Variants in EPHA3 observed in about 807,000 individuals in gnomAD.
EPHA3 encodes the protein EPH receptor A3.
A neutral mutation model predicts 107.1 loss-of-function variants in EPHA3; 42 were observed. The observed-to-expected ratio is 0.39, with a 90% confidence interval of 0.31 to 0.51. The LOEUF (loss-of-function observed/expected upper bound fraction) is 0.51. Among genes scored for constraint, EPHA3 ranks in the 20% least tolerant of loss-of-function variants. EPHA3 has a pLI of 0.78. For missense variants in EPHA3, 1,183 were observed against 1,211.2 expected, an observed-to-expected ratio of 0.98 and a Z score of 0.35; for synonymous variants, 461 against 424.8, an observed-to-expected ratio of 1.09 and a Z score of -1.05.
intron 1 of EPHA3, among the ~76,000 whole-genome samples, chr3:89,113,878 C>G (rs1171002676): frequency 2.0e-5 from 3 of 152,070 alleles, no homozygotes; most frequent in African/African-American, 7.2e-5. Flanking sequence ...AATGTCTGGA[C>G]GAATGCATGT....
intron 3 of EPHA3, among the ~76,000 whole-genome samples, chr3:89,227,452 T>C (rs1390575964): frequency 6.6e-6 from 1 of 152,158 alleles, no homozygotes; most frequent in East Asian, 1.9e-4. Context: ...TCCTGTGTAT[T>C]TCTTGAGTAA....
intron 5 of EPHA3, among the ~76,000 whole-genome samples, chr3:89,370,554 G>T (rs1451921672): frequency 6.6e-6 from 1 of 151,774 alleles, no homozygotes. Flanking sequence ...TATACTTAAT[G>T]CTAAATGACG....
At chr3:89,336,556 C>A (rs1428268127) in intron 3 of EPHA3, among the ~76,000 whole-genome samples, 1 of 152,096 alleles carries the variant, frequency 6.6e-6, no homozygotes, top group African/African-American at 2.4e-5. Flanking sequence ...TTTATACATT[C>A]TCCACTCATA....
chr3:89,271,533 G>A (rs996290759), intron 3 of EPHA3, among the ~76,000 whole-genome samples: 5 of 151,756 alleles, frequency 3.3e-5, no homozygotes, highest in African/African-American at 4.8e-5. Flanking sequence ...ATATGCTTTC[G>A]ATCTCTGGCT....
intron 2 of EPHA3, among the ~76,000 whole-genome samples, chr3:89,191,968 TA>T (rs1185662477): frequency 3.7e-4 from 56 of 152,336 alleles, no homozygotes; most frequent in African/African-American, 1.3e-3. Context: ...ATAAAATGGT[TA>T]AATAGTAAAA....
chr3:89,253,172 G>T (rs557762950), intron 3 of EPHA3, among the ~76,000 whole-genome samples: 3 of 151,996 alleles, frequency 2.0e-5, no homozygotes, highest in Non-Finnish European at 4.4e-5. Context: ...AGTTTTCCCT[G>T]TTAATAACTG....
intron 2 of EPHA3, among the ~76,000 whole-genome samples, chr3:89,162,523 T>C (rs1704973983): frequency 6.6e-6 from 1 of 152,202 alleles, no homozygotes; most frequent in African/African-American, 2.4e-5. Flanking sequence ...AAATCACTTG[T>C]CCAACCTCTC....
intron 3 of EPHA3, among the ~76,000 whole-genome samples, chr3:89,304,571 T>C (rs1013788868): frequency 2.0e-5 from 3 of 152,080 alleles, no homozygotes; most frequent in African/African-American, 7.2e-5. Flanking sequence ...CAGGTGTCTG[T>C]ATGACTAATA....
At position 89,107,682 on chromosome 3, in the gene EPHA3, C is replaced by G; in HGVS notation, c.-67C>G. On this transcript the variant is annotated 5_prime_UTR_variant, in exon 1 of 17. Coordinates refer to ENST00000336596, the MANE Select transcript of EPHA3 (RefSeq NM_005233.6). ...GGTAACTTCTCCAGCAATCAGAGCG[C>G]TCCCCCTCACATCAGTGGCATGCTT... 2 of 1,427,136 alleles carry G rather than the reference C, an allele frequency of 1.4e-6. No homozygotes were observed. The highest frequency in any genetic ancestry group is 2.3e-5 in the East Asian group (1 of 43,670). 88.4% of individuals were successfully genotyped at this position (1,427,136 alleles called of 1,614,324 possible). A position where few individuals can be genotyped will look rare whatever the true frequency, so the allele number is the denominator to read the frequency against.
intron 3 of EPHA3, among the ~76,000 whole-genome samples, chr3:89,335,654 A>G (rs1707376761): frequency 6.6e-6 from 1 of 152,200 alleles, no homozygotes; most frequent in Non-Finnish European, 1.5e-5. Context: ...TTACTTGAAT[A>G]TATCAATATA....
chr3:89,241,491 C>T (rs527413040), intron 3 of EPHA3, among the ~76,000 whole-genome samples: 2 of 152,272 alleles, frequency 1.3e-5, no homozygotes, highest in African/African-American at 4.8e-5. Flanking sequence ...AACATTTCTA[C>T]TATTGTGTAT....
chr3:89,433,965 A>G (rs1251130204), intron 13 of EPHA3, among the ~76,000 whole-genome samples: 1 of 152,100 alleles, frequency 6.6e-6, no homozygotes, highest in East Asian at 1.9e-4. Context: ...TAGGGAATGT[A>G]TTTCATTCTA....
At position 89,243,501 on chromosome 3, in the gene EPHA3, G is replaced by T. The variant is rs966628732; in HGVS notation, c.814+32981G>T. The stretch of plus-strand genomic sequence containing the variant: ...GGTTTTGATTTGCATTTCTCTGATG[G>T]CCAGTGATGATGAGCATTTTTTCAT... On this transcript the variant is annotated intron_variant, in intron 3 of 16. Transcript: ENST00000336596. 5.7e-4 allele frequency among the ~76,000 whole-genome samples: 87 copies of T among 152,222 alleles called. 1 individual carries two copies. The highest frequency in any genetic ancestry group is 3.4e-3 in the Middle Eastern group (1 of 294).
intron 2 of EPHA3, among the ~76,000 whole-genome samples, chr3:89,171,234 T>C (rs1705202839): frequency 6.6e-6 from 1 of 152,192 alleles, no homozygotes; most frequent in Non-Finnish European, 1.5e-5. Context: ...TGTGAGAGAA[T>C]ATAAAATAAG....
At chr3:89,164,223 G>A (rs773771716) in intron 2 of EPHA3, among the ~76,000 whole-genome samples, 11 of 152,024 alleles carry the variant, frequency 7.2e-5, no homozygotes, top group South Asian at 6.2e-4. Flanking sequence ...TTGTCTTTGC[G>A]CCACATATAA....
chr3:89,335,624 A>G (rs563471117), intron 3 of EPHA3, among the ~76,000 whole-genome samples: 4 of 152,320 alleles, frequency 2.6e-5, no homozygotes, highest in African/African-American at 9.6e-5. Context: ...ATTGTTATCA[A>G]CTTAGACTCA....
rs1391567973 is a variant in EPHA3 at position 89,219,701 on chromosome 3, TTG to T, written c.814+9183_814+9184del. ...GCATTTGGCAATGTTTTTTTTTTTT[TTG>T]TTTTTTGTTTTTTTTTTTTTTTTGA... On this transcript the variant is annotated intron_variant, in intron 3 of 16. Transcript: ENST00000336596. 1.2e-3 allele frequency among the ~76,000 whole-genome samples: 14 copies of T among 11,298 alleles called. 1 individual carries two copies. The highest frequency in any genetic ancestry group is 5.9e-3 in the African/African-American group (13 of 2,210). 7.4% of individuals were successfully genotyped at this position (11,298 alleles called of 152,430 possible).
intron 13 of EPHA3, among the ~76,000 whole-genome samples, chr3:89,432,102 T>G (rs1467051609): frequency 1.3e-5 from 2 of 152,130 alleles, no homozygotes; most frequent in African/African-American, 2.4e-5. Flanking sequence ...TATTTAATTT[T>G]TCCATATTTT....
intron 5 of EPHA3, among the ~76,000 whole-genome samples, chr3:89,351,590 G>A (rs571716954): frequency 2.6e-5 from 4 of 150,980 alleles, no homozygotes; most frequent in Non-Finnish European, 5.9e-5. Context: ...CGTCGCTCAC[G>A]CTGGGAGCTG....
Sources: allele counts gnomAD v4.1 joint callset (sites outside exome capture counted in the v4.1 genomes callset), GRCh38; gene constraint gnomAD v4.1.1; transcripts MANE v1.5; gene names NCBI Gene and HGNC (gene_info 2026-07-23, HGNC 2026-07-21).